The following PTPRD variants were observed in gnomAD, a reference collection of about 807,000 sequenced individuals.
PTPRD encodes receptor-type tyrosine-protein phosphatase delta.
Under a neutral mutation model 214.5 loss-of-function variants are expected in PTPRD, and 34 were observed. The observed-to-expected ratio is 0.16, with a 90% CI of 0.12 to 0.21. PTPRD has a LOEUF of 0.21. Among genes scored for constraint, PTPRD ranks in the 10% least tolerant of loss-of-function variants. The pLI is 1.00. For missense variants in PTPRD, 2,545 were observed against 2,398.7 expected (o/e 1.06, Z -1.27); for synonymous variants, 1,128 against 845.7 (o/e 1.33, Z -5.79).
chr9:10,295,932 T>C (rs1370702752), intron 3 of PTPRD, among the ~76,000 whole-genome samples: 5 of 152,048 alleles, frequency 3.3e-5, no homozygotes, highest in African/African-American at 1.2e-4. Context: ...GATCTCAGAC[T>C]AACTGTCCAC....
chr9:8,534,210 G>C (rs2076371747), intron 14 of PTPRD, among the ~76,000 whole-genome samples: 1 of 151,856 alleles, frequency 6.6e-6, no homozygotes, highest in African/African-American at 2.4e-5. Flanking sequence ...TCATATATTG[G>C]TTTTCAGTTC....
In PTPRD at chr9:8,844,323, G is replaced by T. The variant is rs958747237; in HGVS notation, c.-103-110377C>A. The stretch of plus-strand genomic sequence containing the variant: ...TGGTGTGTCTTTCCTTCTGTATAAT[G>T]AAAAGATTATTTTGAAAGATTTTCA... On this transcript the variant is annotated intron_variant, in intron 11 of 45. Coordinates refer to ENST00000381196, the MANE Select transcript of PTPRD (RefSeq NM_002839.4). 3.3e-5 allele frequency among the ~76,000 whole-genome samples: 5 copies of T among 152,144 alleles called. No individual in the cohort carries two copies. The South Asian group carries it at 8.3e-4, about 25-fold the overall frequency.
chr9:8,819,204 A>C (rs2096988390), intron 11 of PTPRD, among the ~76,000 whole-genome samples: 1 of 152,220 alleles, frequency 6.6e-6, no homozygotes, highest in African/African-American at 2.4e-5. Flanking sequence ...ATTAAGTGGA[A>C]ACAATTACTA....
intron 11 of PTPRD, among the ~76,000 whole-genome samples, chr9:8,754,770 T>C (rs1313328569): frequency 6.6e-6 from 1 of 152,170 alleles, no homozygotes; most frequent in Non-Finnish European, 1.5e-5. Context: ...CCAAAGATAT[T>C]ATCAAGAAAG....
At chr9:10,334,048 T>G (rs1409181482) in intron 3 of PTPRD, among the ~76,000 whole-genome samples, 1 of 151,644 alleles carries the variant, frequency 6.6e-6, no homozygotes, top group African/African-American at 2.4e-5. Flanking sequence ...GTATATATAG[T>G]GGAAAGAATA....
At chr9:9,276,647 G>T (rs1369755586) in intron 9 of PTPRD, among the ~76,000 whole-genome samples, 1 of 151,104 alleles carries the variant, frequency 6.6e-6, no homozygotes. Flanking sequence ...CTTCTTTTGT[G>T]CTTTAATCTA....
At chr9:10,492,470 T>C (rs1038165662) in intron 2 of PTPRD, among the ~76,000 whole-genome samples, 4 of 152,178 alleles carry the variant, frequency 2.6e-5, no homozygotes, top group Non-Finnish European at 5.9e-5. Context: ...CCAGGGATGA[T>C]TAGCTTTTTT....
chr9:8,338,784 A>G, intron 43 of PTPRD, 138 bp downstream of exon 43: 1 of 766,698 alleles, frequency 1.3e-6, no homozygotes, highest in Non-Finnish European at 1.9e-6. Context: ...AACATAAAAA[A>G]AAACGTTCTC....
rs1182613306 is a variant in PTPRD, at chr9:9,695,490, G to C, written c.-287+39043C>G. On this transcript the variant is annotated intron_variant, in intron 7 of 45. Transcript: ENST00000381196. ...TGTGACCTTAGTTCACTGGCTCTAAGCTCAGCCTAGCACTAGGAATTGAAT... is the reference window on the plus strand; with the variant it reads ...TGTGACCTTAGTTCACTGGCTCTAACCTCAGCCTAGCACTAGGAATTGAAT... 2.0e-5 allele frequency among the ~76,000 whole-genome samples: 3 copies of C among 152,162 alleles called. No homozygotes were observed. The East Asian group carries it at 5.8e-4, about 29-fold the overall frequency.
intron 39 of PTPRD, among the ~76,000 whole-genome samples, chr9:8,361,656 G>C (rs1012476563): frequency 6.6e-6 from 1 of 152,174 alleles, no homozygotes; most frequent in African/African-American, 2.4e-5. Context: ...TATGTAATGA[G>C]TTTCTTTGAA....
At chr9:9,800,278 T>A (rs1368651619) in intron 5 of PTPRD, among the ~76,000 whole-genome samples, 1 of 152,086 alleles carries the variant, frequency 6.6e-6, no homozygotes, top group Non-Finnish European at 1.5e-5. Flanking sequence ...CAGCCTACAG[T>A]GAGCTATGAT....
At chr9:10,117,022 A>G (rs980972200) in intron 3 of PTPRD, among the ~76,000 whole-genome samples, 1 of 152,060 alleles carries the variant, frequency 6.6e-6, no homozygotes, top group Non-Finnish European at 1.5e-5. Flanking sequence ...TATGCTTCTA[A>G]TTATACTACA....
intron 7 of PTPRD, among the ~76,000 whole-genome samples, chr9:9,584,903 AT>A (rs1306203935): frequency 4.6e-5 from 7 of 151,556 alleles, no homozygotes; most frequent in Admixed American, 6.6e-5. Context: ...GATTTGCAAC[AT>A]TTTTTTTCAC....
intron 10 of PTPRD, among the ~76,000 whole-genome samples, chr9:9,156,065 G>A (rs554218451): frequency 6.6e-6 from 1 of 152,254 alleles, no homozygotes; most frequent in African/African-American, 2.4e-5. Context: ...CTCTGTTTCA[G>A]AGCAGGGCAA....
At chr9:8,473,179 A>G (rs184222008) in intron 30 of PTPRD, among the ~76,000 whole-genome samples, 51 of 152,278 alleles carry the variant, frequency 3.3e-4, no homozygotes, top group Non-Finnish European at 5.9e-5. Context: ...CTATACCACA[A>G]TGCTTTCTCC....
intron 12 of PTPRD, among the ~76,000 whole-genome samples, chr9:8,732,051 G>C (rs190645667): frequency 6.6e-6 from 1 of 152,166 alleles, no homozygotes; most frequent in Non-Finnish European, 1.5e-5. Context: ...GATTTCTTTT[G>C]TAAGACTACA....
intron 6 of PTPRD, among the ~76,000 whole-genome samples, chr9:9,739,854 C>T (rs2098372440): frequency 6.6e-6 from 1 of 151,842 alleles, no homozygotes; most frequent in African/African-American, 2.4e-5. Context: ...TTACAGGTTT[C>T]ACTTGTAATA....
chr9:9,045,746 A>G (rs2099670618), intron 10 of PTPRD, among the ~76,000 whole-genome samples: 1 of 152,178 alleles, frequency 6.6e-6, no homozygotes, highest in Non-Finnish European at 1.5e-5. Flanking sequence ...TCAGCCAGCA[A>G]GCACCAGCTG....
chr9:10,550,169 T>C (rs2060992701), intron 2 of PTPRD, among the ~76,000 whole-genome samples: 1 of 152,244 alleles, frequency 6.6e-6, no homozygotes, highest in Admixed American at 6.5e-5. Flanking sequence ...ATCAATTTCC[T>C]ATAACTTTCA....
Sources: allele counts gnomAD v4.1 joint callset (sites outside exome capture counted in the v4.1 genomes callset), GRCh38; gene constraint gnomAD v4.1.1; transcripts MANE v1.5; gene names NCBI Gene and HGNC (gene_info 2026-07-23, HGNC 2026-07-21).